DYNLT2: variants seen among roughly 807,000 people sequenced by gnomAD.
The protein encoded by DYNLT2 is dynein light chain Tctex-type protein 2.
In DYNLT2, 24 loss-of-function variants were observed where a neutral mutation model predicts 24.3. The ratio of observed to expected loss-of-function variants is 0.99; its 90% CI spans 0.71 to 1.39. DYNLT2 has a LOEUF of 1.39. DYNLT2 is among the 40% of genes most tolerant of loss of function. The pLI, the probability that DYNLT2 is intolerant of heterozygous loss-of-function variation, is 0.00. For synonymous variants in DYNLT2, 85 were observed against 85.4 expected (o/e 1.00, Z 0.03); for missense variants, 246 against 234.5 (o/e 1.05, Z -0.32).
At chr6:169,750,965 AC>A (rs1790009943) in intron 1 of DYNLT2, 1 of 165,732 alleles carries the variant, frequency 6.0e-6, no homozygotes, top group South Asian at 2.0e-4. Context: ...CGCTAGCAAA[AC>A]TGCTTATAAT....
At chr6:169,741,814 T>C (rs949869981) in intron 3 of DYNLT2, among the ~76,000 whole-genome samples, 2 of 152,206 alleles carry the variant, frequency 1.3e-5, no homozygotes, top group African/African-American at 4.8e-5. Flanking sequence ...TACTCTGTCA[T>C]ATCCCTACCT....
At chr6:169,732,115 G>C in the DYNLT2 span, among the ~76,000 whole-genome samples, 5 of 152,064 alleles carry the variant, frequency 3.3e-5, no homozygotes, top group African/African-American at 9.7e-5. Context: ...AGCATCAATA[G>C]CTCCTTTTAA....
chr6:169,735,667 TTC>T (rs1388297364), downstream of DYNLT2, among the ~76,000 whole-genome samples: 9 of 152,350 alleles, frequency 5.9e-5, no homozygotes, highest in Admixed American at 5.9e-4. Context: ...ATGATTTCAG[TTC>T]TTTTGCATTT....
At chr6:169,736,102 CCT>C (rs977756094), downstream of DYNLT2, among the ~76,000 whole-genome samples, 9 of 151,216 alleles carry the variant, frequency 6.0e-5, no homozygotes, top group East Asian at 1.9e-4. Context: ...GATTGCAACC[CCT>C]GTTTTGTTGT....
At chr6:169,743,290 A>G (rs779125750) in intron 2 of DYNLT2, 52 bp from the exon 3 acceptor site, 8 of 1,167,092 alleles carry the variant, frequency 6.9e-6, no homozygotes, top group Middle Eastern at 3.1e-4. Context: ...AATATTTTCT[A>G]TATAAAAATT....
chr6:169,742,620 T>C (rs1042238362), intron 3 of DYNLT2, among the ~76,000 whole-genome samples: 2 of 151,242 alleles, frequency 1.3e-5, no homozygotes, highest in South Asian at 2.1e-4. Context: ...CTTTTCTTTC[T>C]TTTTTTTTGA....
chr6:169,740,077 G>T, downstream of DYNLT2: 1 of 724,410 alleles, frequency 1.4e-6, no homozygotes, highest in South Asian at 2.1e-5. Context: ...GGCCTCAAAT[G>T]AGAATAAGAA....
intron 3 of DYNLT2, 148 bp downstream of exon 3, chr6:169,742,932 A>G (rs1789711138): frequency 6.1e-6 from 4 of 659,578 alleles, no homozygotes; most frequent in Non-Finnish European, 9.3e-6. Flanking sequence ...ACAGTGAAAT[A>G]AATATACTTA....
chr6:169,725,213 C>T, the DYNLT2 span: 13 of 398,684 alleles, frequency 3.3e-5, no homozygotes, highest in Non-Finnish European at 5.3e-5. Context: ...CAGCTGGCCT[C>T]ACGGATTCCA....
At chr6:169,744,484 T>C (rs1585319213) in intron 1 of DYNLT2, among the ~76,000 whole-genome samples, 1 of 152,134 alleles carries the variant, frequency 6.6e-6, no homozygotes, top group Admixed American at 6.5e-5. Flanking sequence ...AGGAATACTA[T>C]TTATTCTTTT....
At chr6:169,725,318 T>C in the DYNLT2 span, 4 of 398,676 alleles carry the variant, frequency 1.0e-5, 1 homozygote, top group Middle Eastern at 2.5e-3. Context: ...TATAGTTGCC[T>C]ACACTCAACA....
chr6:169,730,825 G>A, the DYNLT2 span, among the ~76,000 whole-genome samples: 1 of 152,214 alleles, frequency 6.6e-6, no homozygotes, highest in Non-Finnish European at 1.5e-5. Context: ...GTGAACCTGG[G>A]AGGTGGAGCT....
Position 169,743,076 on chromosome 6 carries a change from T to G in DYNLT2, c.486+4A>C. On this transcript the variant is annotated splice_donor_region_variant and intron_variant, in intron 3 of 3. Transcript: ENST00000366774. ...GCTAGATCCTGTATCAATGGGGTACTTACATTTATTGCTTGGCCAGTCTTT... is the reference window on the plus strand; with the variant it reads ...GCTAGATCCTGTATCAATGGGGTACGTACATTTATTGCTTGGCCAGTCTTT... 6.5e-7 allele frequency: 1 copy of G among 1,540,664 alleles called. No homozygotes were observed. The highest frequency in any genetic ancestry group is 8.8e-7 in the Non-Finnish European group (1 of 1,135,320).
chr6:169,735,788 G>T (rs1021291239), downstream of DYNLT2, among the ~76,000 whole-genome samples: 2 of 152,182 alleles, frequency 1.3e-5, no homozygotes, highest in Non-Finnish European at 2.9e-5. Flanking sequence ...GTCTGTAGAC[G>T]TCTACTAGGT....
chr6:169,744,028 C>A, intron 2 of DYNLT2, 40 bp downstream of exon 2: 1 of 1,567,816 alleles, frequency 6.4e-7, no homozygotes, highest in Non-Finnish European at 8.7e-7. Context: ...TCTGTAGAAC[C>A]CTCATACAAT....
At chr6:169,732,132 T>G in the DYNLT2 span, among the ~76,000 whole-genome samples, 1 of 152,152 alleles carries the variant, frequency 6.6e-6, no homozygotes, top group African/African-American at 2.4e-5. Context: ...TTAAAGAGGT[T>G]TTTGGCTACA....
At chr6:169,741,254 T>C (rs140685927) in intron 3 of DYNLT2, among the ~76,000 whole-genome samples, 70 of 152,292 alleles carry the variant, frequency 4.6e-4, no homozygotes, top group African/African-American at 1.6e-3. Flanking sequence ...AGAGGTCTTG[T>C]AGCTTCTGCT....
At chr6:169,739,913 A>G (rs1412511722), downstream of DYNLT2, among the ~76,000 whole-genome samples, 1 of 152,146 alleles carries the variant, frequency 6.6e-6, no homozygotes, top group Non-Finnish European at 1.5e-5. Context: ...ACTCTACTAT[A>G]AGAATTTGTA....
chr6:169,751,140 T>C, intron 1 of DYNLT2, 199 bp downstream of exon 1: 1 of 730,460 alleles, frequency 1.4e-6, no homozygotes, highest in East Asian at 2.7e-5. Flanking sequence ...ACAAGAAAAC[T>C]TTAGCACTCA....
Sources: allele counts gnomAD v4.1 joint callset (sites outside exome capture counted in the v4.1 genomes callset), GRCh38; gene constraint gnomAD v4.1.1; transcripts MANE v1.5; gene names NCBI Gene and HGNC (gene_info 2026-07-23, HGNC 2026-07-21).